LMO3: variants seen among roughly 807,000 people sequenced by gnomAD.
LMO3 encodes the protein LIM domain only 3.
LMO3 carries 2 observed loss-of-function variants against 15.8 expected under a neutral mutation model. The ratio of observed to expected loss-of-function variants is 0.13; its 90% CI spans 0.05 to 0.40. The LOEUF is 0.40. LMO3 is among the 10% of genes least tolerant of loss of function. The pLI is 0.99. For missense variants in LMO3, 86 were observed against 182.2 expected, an observed-to-expected ratio of 0.47 and a Z score of 3.04; for synonymous variants, 62 against 63.8, an observed-to-expected ratio of 0.97 and a Z score of 0.13.
chr12:16,562,212 A>C (rs1027548340), intron 2 of LMO3, among the ~76,000 whole-genome samples: 2 of 152,158 alleles, frequency 1.3e-5, no homozygotes, highest in African/African-American at 2.4e-5. Flanking sequence ...CTAACATTTC[A>C]TATTTATTTT....
chr12:16,594,221 T>G (rs562365087), intron 2 of LMO3: 1 of 1,532,370 alleles, frequency 6.5e-7, no homozygotes, highest in Non-Finnish European at 8.7e-7. Flanking sequence ...AATCTCTGTA[T>G]GTGCAGCATG....
At chr12:16,564,118 AT>A (rs1187877549) in intron 2 of LMO3, among the ~76,000 whole-genome samples, 1 of 152,010 alleles carries the variant, frequency 6.6e-6, no homozygotes, top group Non-Finnish European at 1.5e-5. Context: ...TTTCTATTCC[AT>A]TTTTTTGCTT....
Position 16,584,431 on chromosome 12 carries a change from T to C in LMO3, c.206+16224A>G, listed in dbSNP as rs1409230716. Reference sequence around the variant, plus strand: ...ATGGGAAAGGCATCTGGCCAAAAGATTGTGGACACAGCAAAAGTTATTGAC... The same window carrying C: ...ATGGGAAAGGCATCTGGCCAAAAGACTGTGGACACAGCAAAAGTTATTGAC... On this transcript the variant is annotated intron_variant, in intron 2 of 3. Coordinates refer to ENST00000537304, the MANE Select transcript of LMO3 (RefSeq NM_018640.5). The surrounding 1 kb of genome is among the most constrained non-coding windows in gnomAD (Gnocchi z 5.2). Among the ~76,000 whole-genome samples the C allele has an allele frequency of 6.6e-6, 1 of 152,136 alleles. No individual in the cohort carries two copies. The highest frequency in any genetic ancestry group is 2.4e-5 in the African/African-American group (1 of 41,444).
chr12:16,594,142 T>C, intron 2 of LMO3: 1 of 1,532,390 alleles, frequency 6.5e-7, no homozygotes, highest in Non-Finnish European at 8.7e-7. Context: ...CTTACCAAGC[T>C]ATGGTGATTT....
At chr12:16,574,097 C>T (rs1942917259) in intron 2 of LMO3, among the ~76,000 whole-genome samples, 1 of 152,032 alleles carries the variant, frequency 6.6e-6, no homozygotes, top group Non-Finnish European at 1.5e-5. Context: ...GGAAAACCAA[C>T]CTTCCTCCAC....
At chr12:16,581,871 T>A (rs1163042078) in intron 2 of LMO3, among the ~76,000 whole-genome samples, 2 of 152,142 alleles carry the variant, frequency 1.3e-5, no homozygotes, top group Admixed American at 1.3e-4. Context: ...AATAAAACTA[T>A]AAATTTGATT....
intron 3 of LMO3, among the ~76,000 whole-genome samples, chr12:16,553,186 T>C (rs1247138640): frequency 6.6e-6 from 1 of 152,132 alleles, no homozygotes; most frequent in Non-Finnish European, 1.5e-5. Context: ...CATGGCTTTT[T>C]ACAGAAGAAA....
intron 1 of LMO3, chr12:16,601,719 T>C (rs1186760833): frequency 6.6e-6 from 1 of 152,132 alleles, no homozygotes; most frequent in Admixed American, 6.5e-5. Context: ...AATATATACA[T>C]GTTATATGTA....
intron 2 of LMO3, among the ~76,000 whole-genome samples, chr12:16,566,977 T>A (rs183416398): frequency 6.6e-6 from 1 of 152,274 alleles, no homozygotes; most frequent in African/African-American, 2.4e-5. Flanking sequence ...AACTTGGCAC[T>A]TGAGGTCAGG....
intron 3 of LMO3, among the ~76,000 whole-genome samples, chr12:16,554,719 G>A (rs1008252783): frequency 7.2e-5 from 11 of 152,086 alleles, no homozygotes; most frequent in Admixed American, 3.3e-4. Flanking sequence ...GCCTGACTCC[G>A]GAGAGGGAGA....
intron 2 of LMO3, among the ~76,000 whole-genome samples, chr12:16,580,929 T>C (rs1322968972): frequency 6.6e-6 from 1 of 152,234 alleles, no homozygotes; most frequent in Non-Finnish European, 1.5e-5. Context: ...ATACTGTGTA[T>C]TGGACATGCT....
chr12:16,609,825 A>G (rs2137765649), upstream of LMO3: 1 of 152,208 alleles, frequency 6.6e-6, no homozygotes, highest in East Asian at 1.9e-4. Context: ...TTCTTTCTTT[A>G]AAACACACCT....
intron 2 of LMO3, among the ~76,000 whole-genome samples, chr12:16,579,092 G>A (rs762900691): frequency 6.6e-6 from 1 of 151,944 alleles, no homozygotes; most frequent in Non-Finnish European, 1.5e-5. Flanking sequence ...TTTTAAAAAG[G>A]CACTGATTAT....
At position 16,604,784 on chromosome 12, in the gene LMO3, A is replaced by G; in HGVS notation, c.-9+1282T>C. 1.4e-6 allele frequency: 2 copies of G among 1,434,926 alleles called. No individual in the cohort carries two copies. Among genetic ancestry groups the G allele is most frequent in the Non-Finnish European group, 1.9e-6 (2 of 1,034,528 alleles). The allele number at this position is 1,434,926 out of a possible 1,614,324, so 88.9% of individuals were successfully genotyped here. On this transcript the variant is annotated intron_variant, in intron 1 of 3. Transcript: ENST00000537304. This position sits in a 1 kb window ranked among gnomAD's most constrained non-coding sequence, Gnocchi z 5.3. ...GGTTCTTTCAGAAAGACACAAAAGC[A>G]GCGGAAAAGCAGAAAGGCTTTTGAG...
intron 3 of LMO3, among the ~76,000 whole-genome samples, chr12:16,556,918 A>T (rs1387170439): frequency 1.3e-5 from 2 of 152,180 alleles, no homozygotes; most frequent in Non-Finnish European, 2.9e-5. Flanking sequence ...GTAATAAATG[A>T]AGCGAACACA....
At chr12:16,580,225 C>G (rs542112963) in intron 2 of LMO3, among the ~76,000 whole-genome samples, 1 of 152,272 alleles carries the variant, frequency 6.6e-6, no homozygotes, top group South Asian at 2.1e-4. Context: ...CTCAATCTCC[C>G]TAGTAGCTTA....
chr12:16,609,927 T>C (rs1050946558), upstream of LMO3: 2 of 146,850 alleles, frequency 1.4e-5, no homozygotes, highest in Non-Finnish European at 3.0e-5. Context: ...TTTTTTTTAA[T>C]TTTTTTTTTA....
At chr12:16,609,830 A>C (rs533662102), upstream of LMO3, 1 of 152,134 alleles carries the variant, frequency 6.6e-6, no homozygotes, top group South Asian at 2.1e-4. Context: ...TCTTTAAAAC[A>C]CACCTCACAG....
At chr12:16,551,654 C>T (rs1941994747) in intron 3 of LMO3, among the ~76,000 whole-genome samples, 1 of 150,808 alleles carries the variant, frequency 6.6e-6, no homozygotes, top group Admixed American at 6.6e-5. Flanking sequence ...TCTGTATTTA[C>T]ACCCATTAAA....
Sources: gnomAD v4.1 joint callset for allele counts (sites outside exome capture counted in the v4.1 genomes callset) on GRCh38, gnomAD v4.1.1 for gene constraint, Gnocchi (gnomAD v3.1) non-coding constraint, MANE v1.5 for transcripts, NCBI Gene and HGNC (gene_info 2026-07-23, HGNC 2026-07-21) for gene names.